PRKCE: variants seen among roughly 807,000 people sequenced by gnomAD.
PRKCE encodes the protein protein kinase C epsilon.
In PRKCE, 16 loss-of-function variants were observed where a neutral mutation model predicts 85.4. That is an observed-to-expected ratio of 0.19 (90% CI 0.13 to 0.28). The LOEUF (loss-of-function observed/expected upper bound fraction) is 0.28. Among genes scored for constraint, PRKCE ranks in the 10% least tolerant of loss-of-function variants. PRKCE has a pLI of 1.00. For synonymous variants in PRKCE, 388 were observed against 371.5 expected (o/e 1.04, Z -0.51); for missense variants, 573 against 975.2 (o/e 0.59, Z 5.49).
chr2:45,942,420 T>C (rs1699950348), intron 2 of PRKCE, among the ~76,000 whole-genome samples: 1 of 152,204 alleles, frequency 6.6e-6, no homozygotes, highest in Non-Finnish European at 1.5e-5. Flanking sequence ...CTGAAATCCA[T>C]TGAGAGGATA....
intron 8 of PRKCE, among the ~76,000 whole-genome samples, chr2:46,006,212 C>T (rs1705185860): frequency 6.6e-6 from 1 of 152,248 alleles, no homozygotes; most frequent in Non-Finnish European, 1.5e-5. Context: ...CTTGTAAAGA[C>T]ACATAGAAAA....
At chr2:45,657,086 G>A (rs929547570) in intron 1 of PRKCE, among the ~76,000 whole-genome samples, 1 of 152,110 alleles carries the variant, frequency 6.6e-6, no homozygotes, top group Non-Finnish European at 1.5e-5. Flanking sequence ...TCACATTTTG[G>A]ATTTTTCTCT....
At chr2:46,099,465 G>A (rs941611493) in intron 11 of PRKCE, among the ~76,000 whole-genome samples, 5 of 150,402 alleles carry the variant, frequency 3.3e-5, no homozygotes, top group African/African-American at 1.2e-4. Flanking sequence ...CCTTTGCTTA[G>A]GAATACCATA....
rs907466466 is a variant in PRKCE at position 45,907,894 on chromosome 2, C to T, written c.412+64831C>T. 6.6e-6 allele frequency among the ~76,000 whole-genome samples: 1 copy of T among 152,200 alleles called. No homozygotes were observed. The highest frequency in any genetic ancestry group is 1.5e-5 in the Non-Finnish European group (1 of 68,034). On this transcript the variant is annotated intron_variant, in intron 2 of 14. Transcript: ENST00000306156. This position sits in a 1 kb window ranked among gnomAD's most constrained non-coding sequence, Gnocchi z 4.5. Reference sequence around the variant, plus strand: ...AACAGTGCCTGGTATCTATGTTAAACAAAACGCCTTGTCCAGAATGATCTC... The same window carrying T: ...AACAGTGCCTGGTATCTATGTTAAATAAAACGCCTTGTCCAGAATGATCTC...
chr2:46,068,580 A>G lies in PRKCE; in HGVS notation c.1438-17628A>G, dbSNP rs1667819440. Reference sequence around the variant, plus strand: ...CTCTCTGATGTAACAATATAAGGCAATGGTAGAAGGTTGTCACATACAGAA... The same window carrying G: ...CTCTCTGATGTAACAATATAAGGCAGTGGTAGAAGGTTGTCACATACAGAA... On this transcript the variant is annotated intron_variant, in intron 10 of 14. Transcript: ENST00000306156. This position sits in a 1 kb window ranked among gnomAD's most constrained non-coding sequence, Gnocchi z 4.3. Among the ~76,000 whole-genome samples the G allele has an allele frequency of 6.6e-6, 1 of 152,226 alleles. No individual in the cohort carries two copies. Among genetic ancestry groups the G allele is most frequent in the African/African-American group, 2.4e-5 (1 of 41,458 alleles).
At chr2:45,850,186 G>C (rs1692137359) in intron 2 of PRKCE, among the ~76,000 whole-genome samples, 1 of 152,180 alleles carries the variant, frequency 6.6e-6, no homozygotes, top group South Asian at 2.1e-4. Context: ...ATCACAACTA[G>C]AGCCTCCTTC....
rs184395221 is a variant in PRKCE at position 46,075,083 on chromosome 2, C to T, written c.1438-11125C>T. 4.0e-3 allele frequency among the ~76,000 whole-genome samples: 616 copies of T among 152,282 alleles called. 3 individuals carry two copies. Among genetic ancestry groups the T allele is most frequent in the African/African-American group, 0.014 (567 of 41,558 alleles). On this transcript the variant is annotated intron_variant, in intron 10 of 14. Coordinates refer to ENST00000306156, the MANE Select transcript of PRKCE (RefSeq NM_005400.3). ...TGAGACGGAGTCTCGCCCTGTCGCCCAGGCTGGAGTGCAGTGGCGTGATCT... is the reference window on the plus strand; with the variant it reads ...TGAGACGGAGTCTCGCCCTGTCGCCTAGGCTGGAGTGCAGTGGCGTGATCT...
intron 6 of PRKCE, among the ~76,000 whole-genome samples, chr2:45,997,017 G>A (rs563768417): frequency 1.3e-5 from 2 of 152,258 alleles, no homozygotes; most frequent in South Asian, 4.2e-4. Context: ...TGTTTGTACT[G>A]TGTATGTCTT....
intron 14 of PRKCE, among the ~76,000 whole-genome samples, chr2:46,161,978 T>C (rs1677818193): frequency 6.6e-6 from 1 of 151,850 alleles, no homozygotes; most frequent in South Asian, 2.1e-4. Flanking sequence ...GTCTGAGGGA[T>C]GGGGAAAAAC....
chr2:45,953,016 A>G lies in PRKCE; in HGVS notation c.413-23413A>G, dbSNP rs532790579. Among the ~76,000 whole-genome samples the G allele has an allele frequency of 3.9e-5, 6 of 152,322 alleles. No homozygotes were observed. The East Asian group carries it at 1.2e-3, about 29-fold the overall frequency. On this transcript the variant is annotated intron_variant, in intron 2 of 14. Transcript: ENST00000306156. Reference sequence around the variant, plus strand: ...GGTCAAGCCCGTTGCCTTTCTTGACATTACTGAGTAGTGTTTGAGATAATG... The same window carrying G: ...GGTCAAGCCCGTTGCCTTTCTTGACGTTACTGAGTAGTGTTTGAGATAATG...
At chr2:45,976,931 C>T (rs1702501597) in intron 3 of PRKCE, among the ~76,000 whole-genome samples, 1 of 150,806 alleles carries the variant, frequency 6.6e-6, no homozygotes, top group Non-Finnish European at 1.5e-5. Context: ...GAGTCTAGCT[C>T]TGTTGCCCAG....
intron 2 of PRKCE, among the ~76,000 whole-genome samples, chr2:45,942,139 G>C (rs2595195): frequency 0.86 from 130,419 of 152,272 alleles, 56,385 homozygotes; most frequent in African/African-American, 0.96. Flanking sequence ...GCCAGGCTTT[G>C]AAACATTTAC....
chr2:46,180,194 G>C (rs1679829729), intron 14 of PRKCE, among the ~76,000 whole-genome samples: 1 of 152,188 alleles, frequency 6.6e-6, no homozygotes, highest in Non-Finnish European at 1.5e-5. Flanking sequence ...GAGGGTTCCT[G>C]AAGAAAGGGC....
chr2:45,727,764 C>T (rs1681206029), intron 1 of PRKCE, among the ~76,000 whole-genome samples: 1 of 152,108 alleles, frequency 6.6e-6, no homozygotes. Flanking sequence ...AAGCGATTCT[C>T]CCGCTTCAGC....
At chr2:46,176,157 CAAAGATAAGGG>C (rs1392494788) in intron 14 of PRKCE, among the ~76,000 whole-genome samples, 1 of 151,980 alleles carries the variant, frequency 6.6e-6, no homozygotes, top group Non-Finnish European at 1.5e-5. Context: ...CTCCAAAGTA[CAAAGATAAGGG>C]TGAAAACCAC....
chr2:46,001,617 T>C lies in PRKCE; in HGVS notation c.966+71T>C, dbSNP rs1704689648. 6.7e-7 allele frequency: 1 copy of C among 1,484,426 alleles called. No homozygotes were observed. The highest frequency in any genetic ancestry group is 1.4e-5 in the African/African-American group (1 of 71,854). 92.0% of individuals were successfully genotyped at this position (1,484,426 alleles called of 1,614,324 possible). On this transcript the variant is annotated intron_variant, in intron 7 of 14. Coordinates refer to ENST00000306156, the MANE Select transcript of PRKCE (RefSeq NM_005400.3). This position sits in a 1 kb window ranked among gnomAD's most constrained non-coding sequence, Gnocchi z 4.4. ...CATTTCTGTGCTGACTTCCAGAGGG[T>C]GCTCTGGAGTGAGGTAATAAGATTC...
At chr2:45,826,877 A>C (rs1164311461) in intron 1 of PRKCE, among the ~76,000 whole-genome samples, 4 of 151,944 alleles carry the variant, frequency 2.6e-5, no homozygotes, top group Non-Finnish European at 5.9e-5. Context: ...AATTCCCATC[A>C]CCTCCACTAC....
intron 10 of PRKCE, among the ~76,000 whole-genome samples, chr2:46,034,272 A>T (rs942999249): frequency 1.3e-5 from 2 of 152,144 alleles, no homozygotes; most frequent in African/African-American, 4.8e-5. Context: ...GCTGTCACCT[A>T]CCCCATAGGG....
At chr2:45,713,365 C>G (rs1486462274) in intron 1 of PRKCE, among the ~76,000 whole-genome samples, 3 of 151,948 alleles carry the variant, frequency 2.0e-5, no homozygotes, top group Non-Finnish European at 4.4e-5. Context: ...TGTGTGATGC[C>G]TGATGGTAAT....
Sources: allele counts gnomAD v4.1 joint callset (sites outside exome capture counted in the v4.1 genomes callset), GRCh38; gene constraint gnomAD v4.1.1; non-coding constraint Gnocchi (gnomAD v3.1); transcripts MANE v1.5; gene names NCBI Gene and HGNC (gene_info 2026-07-23, HGNC 2026-07-21).